The following IMPG2 variants were observed in gnomAD, a reference collection of about 807,000 sequenced individuals.
IMPG2 encodes the protein IPM 200.
A neutral mutation model predicts 129.2 loss-of-function variants in IMPG2; 91 were observed. The observed-to-expected ratio is 0.70, with a 90% confidence interval of 0.59 to 0.84. The LOEUF is 0.84. Among genes scored for constraint, IMPG2 ranks in the 40% least tolerant of loss-of-function variants. The pLI, the probability that IMPG2 is intolerant of heterozygous loss-of-function variation, is 0.00. For synonymous variants in IMPG2, 510 were observed against 517.7 expected (o/e 0.99, Z 0.20); for missense variants, 1,430 against 1,461.7 (o/e 0.98, Z 0.35).
intron 9 of IMPG2, among the ~76,000 whole-genome samples, chr3:101,259,124 C>T (rs959303528): frequency 1.3e-5 from 2 of 152,034 alleles, no homozygotes; most frequent in African/African-American, 2.4e-5. Context: ...TAAACTATTA[C>T]CCAAAAAAGT....
At position 101,304,140 on chromosome 3, in the gene IMPG2, A is replaced by G; in HGVS notation, c.501+6T>C. On this transcript the variant is annotated splice_donor_region_variant and intron_variant, in intron 3 of 18. Coordinates refer to ENST00000193391, the MANE Select transcript of IMPG2 (RefSeq NM_016247.4). ...CAGGAATCCCTTCCTTTGTTGTGAC[A>G]CTTACCTTCATGATTAAGCTTCTAT... The G allele has an allele frequency of 6.2e-7, 1 of 1,613,630 alleles. No homozygotes were observed. The highest frequency in any genetic ancestry group is 1.1e-5 in the South Asian group (1 of 91,080).
Position 101,244,081 on chromosome 3 carries a change from A to C in IMPG2, c.2250T>G (p.Ile750Met). Reference sequence around the variant, plus strand: ...ACCATTCATAGTTGGATGACTCAGTAATTTGTTCCATATCCTCCCTTAGGA... The same window carrying C: ...ACCATTCATAGTTGGATGACTCAGTCATTTGTTCCATATCCTCCCTTAGGA... ...DAILREDMEQ[I>M]TESSNYEWFD... The change falls in exon 13 of 19, where the codon ATT becomes ATG. Residue 750 changes from isoleucine (I) to methionine (M), a missense_variant. Physicochemically the swap from Ile to Met is conservative, Grantham distance 10. Transcript: ENST00000193391. 1 of 1,614,006 alleles carries C rather than the reference A, an allele frequency of 6.2e-7. No homozygotes were observed. Among genetic ancestry groups the C allele is most frequent in the Non-Finnish European group, 8.5e-7 (1 of 1,180,030 alleles).
intron 3 of IMPG2, among the ~76,000 whole-genome samples, chr3:101,299,268 G>GT (rs1398203771): frequency 6.6e-6 from 1 of 152,102 alleles, no homozygotes; most frequent in Non-Finnish European, 1.5e-5. Context: ...CTCTCAACTT[G>GT]TTATTCTAGT....
rs372341877 is a variant in IMPG2, at chr3:101,319,577, C to T, written c.334+7G>A. The T allele has an allele frequency of 6.2e-7, 1 of 1,613,134 alleles. No homozygotes were observed. The highest frequency in any genetic ancestry group is 8.5e-7 in the Non-Finnish European group (1 of 1,179,604). On this transcript the variant is annotated splice_region_variant and intron_variant, in intron 2 of 18. Coordinates refer to ENST00000193391, the MANE Select transcript of IMPG2 (RefSeq NM_016247.4). ...TATGGAGCTGAAGGATTTGGATGTT[C>T]GCTTACCTCGGACTTTAAAATACTT...
At position 101,222,668 on chromosome 3, in the gene IMPG2, C is replaced by T. The variant is rs1706177070; in HGVS notation, c.*4301G>A. On this transcript the variant is annotated 3_prime_UTR_variant, in exon 19 of 19. Transcript: ENST00000193391. ...TAATTATCCAATAATAAGACTAGAA[C>T]ATTTCAATAAAATAGTACAGTTAAC... 2 of 152,092 alleles carry T rather than the reference C, an allele frequency of 1.3e-5. No homozygotes were observed. The highest frequency in any genetic ancestry group is 2.1e-4 in the South Asian group (1 of 4,822). 9.4% of individuals were successfully genotyped at this position (152,092 alleles called of 1,614,324 possible). A position where few individuals can be genotyped will look rare whatever the true frequency, so the allele number is the denominator to read the frequency against.
At chr3:101,288,580 C>T (rs1009542795) in intron 4 of IMPG2, among the ~76,000 whole-genome samples, 1 of 152,050 alleles carries the variant, frequency 6.6e-6, no homozygotes, top group Non-Finnish European at 1.5e-5. Context: ...GGCCATAATC[C>T]TAAGTGAATT....
Position 101,244,261 on chromosome 3 carries a change from G to T in IMPG2, c.2070C>A (p.Phe690Leu). 6.2e-7 allele frequency: 1 copy of T among 1,614,000 alleles called. No individual in the cohort carries two copies. Among genetic ancestry groups the T allele is most frequent in the Non-Finnish European group, 8.5e-7 (1 of 1,179,994 alleles). Reference sequence around the variant, plus strand: ...ACGCAGATTCAGCTGCAGTATCTGCGAAGATGGGCACAGCAGGCCCACTAA... The same window carrying T: ...ACGCAGATTCAGCTGCAGTATCTGCTAAGATGGGCACAGCAGGCCCACTAA... ...EPLSGPAVPIFADTAAESASL... is the reference protein window; with the variant it reads ...EPLSGPAVPILADTAAESASL... Residue 690 changes from phenylalanine (F) to leucine (L), a missense_variant, in exon 13 of 19, where the codon TTC (phenylalanine) becomes TTA (leucine). Physicochemically the swap from Phe to Leu is conservative, Grantham distance 22. Coordinates refer to ENST00000193391, the MANE Select transcript of IMPG2 (RefSeq NM_016247.4).
At chr3:101,274,952 G>A (rs1353704169) in intron 6 of IMPG2, among the ~76,000 whole-genome samples, 3 of 151,950 alleles carry the variant, frequency 2.0e-5, no homozygotes, top group South Asian at 2.1e-4. Flanking sequence ...AGAGTGGAGC[G>A]ACTTAACCTG....
At position 101,245,978 on chromosome 3, in the gene IMPG2, C is replaced by A. The variant is rs1706472371; in HGVS notation, c.1367G>T (p.Gly456Val). The change falls in exon 12 of 19, where the codon GGT becomes GTT. Residue 456 changes from glycine to valine, a missense_variant. Physicochemically the swap from Gly to Val is moderately radical, Grantham distance 109. Coordinates refer to ENST00000193391, the MANE Select transcript of IMPG2 (RefSeq NM_016247.4). Reference sequence around the variant, plus strand: ...TAATTTGTGTGTAGACACTAAATCACCCAAAGGACTTTCTGACCAGAGTTC... The same window carrying A: ...TAATTTGTGTGTAGACACTAAATCAACCAAAGGACTTTCTGACCAGAGTTC... Reference protein sequence around the residue: ...GRELWSESPLGDLVSTHKLAF... With the variant: ...GRELWSESPLVDLVSTHKLAF... 6.2e-7 allele frequency: 1 copy of A among 1,614,150 alleles called. No individual in the cohort carries two copies. Among genetic ancestry groups the A allele is most frequent in the Non-Finnish European group, 8.5e-7 (1 of 1,180,014 alleles).
intron 8 of IMPG2, 143 bp from the exon 9 acceptor site, chr3:101,267,674 T>C (rs1181815585): frequency 1.4e-6 from 1 of 706,484 alleles, no homozygotes; most frequent in Non-Finnish European, 2.5e-6. Context: ...CAAATTCCTA[T>C]GGATTGAAGG....
chr3:101,283,328 A>G (rs1211483622), intron 4 of IMPG2, among the ~76,000 whole-genome samples: 1 of 152,044 alleles, frequency 6.6e-6, no homozygotes, highest in African/African-American at 2.4e-5. Context: ...GCCAGCCACT[A>G]GTTTCCTTTT....
rs1383253792 is a variant in IMPG2 at position 101,320,362 on chromosome 3, A to C, written c.11T>G (p.Phe4Cys). The C allele has an allele frequency of 2.5e-6, 4 of 1,606,566 alleles. No individual in the cohort carries two copies. In the Admixed American group the frequency reaches 6.7e-5, roughly 27 times the overall value. Reference protein sequence around the residue: MIMFPLFGKISLGI... With the variant: MIMCPLFGKISLGI... ...CAGAGAAATCTTCCCAAAAAGAGGA[A>C]ACATAATCATTTGGGCCAAAACCAA... Residue 4 changes from phenylalanine (F) to cysteine (C), a missense_variant, in exon 1 of 19, where the codon TTT (phenylalanine) becomes TGT (cysteine). Phe to Cys is a radical substitution (Grantham distance 205). Transcript: ENST00000193391.
rs1321219325 is a variant in IMPG2 at position 101,232,878 on chromosome 3, C to T, written c.3136G>A (p.Glu1046Lys). 1.9e-6 allele frequency: 3 copies of T among 1,613,768 alleles called. No homozygotes were observed. In the African/African-American group the frequency reaches 4.0e-5, roughly 22 times the overall value. ...CRCFPGYLSV[E>K]ERPCQSLCDL... ...CAGAGACTCTGACAGGGCCGTTCTT[C>T]CACACTCAGGTATCCAGGGAAGCAT... The change falls in exon 15 of 19, where the codon GAA (glutamate) becomes AAA (lysine). Residue 1046 changes from glutamate (E) to lysine (K), a missense_variant. By Grantham distance (56) the Glu-to-Lys change is moderately conservative. Transcript: ENST00000193391.
At chr3:101,311,712 C>T (rs908501065) in intron 2 of IMPG2, among the ~76,000 whole-genome samples, 1 of 152,060 alleles carries the variant, frequency 6.6e-6, no homozygotes, top group Non-Finnish European at 1.5e-5. Flanking sequence ...GACAACCTTA[C>T]TATAAAATTT....
At chr3:101,257,488 A>T (rs201217381) in intron 10 of IMPG2, 41 bp downstream of exon 10, 2 of 1,610,230 alleles carry the variant, frequency 1.2e-6, no homozygotes, top group Non-Finnish European at 1.7e-6. Context: ...CATACTGGAA[A>T]AGAAACTATA....
chr3:101,261,056 G>A (rs563800107), intron 9 of IMPG2, among the ~76,000 whole-genome samples: 66 of 152,166 alleles, frequency 4.3e-4, no homozygotes, highest in Non-Finnish European at 7.5e-4. Flanking sequence ...AAGAACGTTC[G>A]TATTAGCTTC....
In IMPG2 at chr3:101,222,686, C is replaced by A. The variant is rs988883276; in HGVS notation, c.*4283G>T. 2 of 152,048 alleles carry A rather than the reference C, an allele frequency of 1.3e-5. No homozygotes were observed. Among genetic ancestry groups the A allele is most frequent in the Non-Finnish European group, 2.9e-5 (2 of 68,004 alleles). 9.4% of individuals were successfully genotyped at this position (152,048 alleles called of 1,614,324 possible). On this transcript the variant is annotated 3_prime_UTR_variant, in exon 19 of 19. Coordinates refer to ENST00000193391, the MANE Select transcript of IMPG2 (RefSeq NM_016247.4). ...ACTAGAACATTTCAATAAAATAGTACAGTTAACATGAATTTATTTGATTCA... is the reference window on the plus strand; with the variant it reads ...ACTAGAACATTTCAATAAAATAGTAAAGTTAACATGAATTTATTTGATTCA...
intron 9 of IMPG2, among the ~76,000 whole-genome samples, chr3:101,264,811 A>T (rs1706705601): frequency 6.6e-6 from 1 of 152,100 alleles, no homozygotes; most frequent in African/African-American, 2.4e-5. Context: ...CAAAGACTCC[A>T]TTAAAAAAAC....
rs752071608 is a variant in IMPG2 at position 101,275,675 on chromosome 3, C to A, written c.654G>T (p.Arg218Ser). The A allele has an allele frequency of 8.7e-6, 14 of 1,612,194 alleles. No individual in the cohort carries two copies. The highest frequency in any genetic ancestry group is 1.7e-5 in the Admixed American group (1 of 60,018). Residue 218 changes from arginine to serine, a missense_variant, in exon 6 of 19, where the codon AGG (arginine) becomes AGT (serine). Physicochemically the swap from Arg to Ser is moderately radical, Grantham distance 110. Transcript: ENST00000193391. Reference sequence around the variant, plus strand: ...GAGCATCACTCACACTCTCCTCTGGCCTTTCCAAGCTGCTCTCTGAGGCAC... The same window carrying A: ...GAGCATCACTCACACTCTCCTCTGGACTTTCCAAGCTGCTCTCTGAGGCAC... ...YEGASESSLE[R>S]PEESISNEIE...
Sources: allele counts gnomAD v4.1 joint callset (sites outside exome capture counted in the v4.1 genomes callset), GRCh38; gene constraint gnomAD v4.1.1; transcripts MANE v1.5; gene names NCBI Gene and HGNC (gene_info 2026-07-23, HGNC 2026-07-21).